The following SYT16 variants were observed in gnomAD, a reference collection of about 807,000 sequenced individuals.
SYT16 encodes the protein synaptotagmin 16.
Under a neutral mutation model 61.4 loss-of-function variants are expected in SYT16, and 42 were observed. The observed-to-expected ratio is 0.68, with a 90% CI of 0.53 to 0.89. The LOEUF (loss-of-function observed/expected upper bound fraction) is 0.89, where lower values mean the gene tolerates loss of function less well. Ranked by LOEUF, SYT16 falls within the 40% of genes least tolerant of loss-of-function variation. The probability of loss-of-function intolerance (pLI) is 0.00; values close to 1 mark genes in which losing one functional copy is unlikely to be tolerated. For synonymous variants in SYT16, 314 were observed against 302.3 expected, an observed-to-expected ratio of 1.04 and a Z score of -0.40; for missense variants, 804 against 807.3, an observed-to-expected ratio of 1.00 and a Z score of 0.05.
At chr14:61,849,626 A>G (rs552995542) in intron 1 of SYT16, among the ~76,000 whole-genome samples, 1 of 152,248 alleles carries the variant, frequency 6.6e-6, no homozygotes, top group East Asian at 1.9e-4. Context: ...GCAAAGTCCC[A>G]CAATCACTAT....
At chr14:62,070,491 G>A (rs1290605159) in intron 4 of SYT16, among the ~76,000 whole-genome samples, 3 of 152,166 alleles carry the variant, frequency 2.0e-5, no homozygotes, top group African/African-American at 7.2e-5. Context: ...ACAAAGGGGA[G>A]GGGATACTCA....
intron 1 of SYT16, among the ~76,000 whole-genome samples, chr14:61,821,038 A>G (rs1301376383): frequency 2.0e-5 from 3 of 151,804 alleles, no homozygotes; most frequent in African/African-American, 7.3e-5. Context: ...ATACCTGCCA[A>G]TATGCTTTTC....
intron 1 of SYT16, among the ~76,000 whole-genome samples, chr14:61,911,002 T>C (rs1300857793): frequency 6.6e-6 from 1 of 152,238 alleles, no homozygotes; most frequent in African/African-American, 2.4e-5. Flanking sequence ...TGTTCCTCAT[T>C]CTCTGGCAAC....
intron 1 of SYT16, among the ~76,000 whole-genome samples, chr14:61,907,020 A>G (rs2048751394): frequency 6.6e-6 from 1 of 152,248 alleles, no homozygotes; most frequent in South Asian, 2.1e-4. Flanking sequence ...TATGATGGAT[A>G]TAAAAAATAC....
At chr14:62,078,584 A>T (rs2056597587) in intron 5 of SYT16, among the ~76,000 whole-genome samples, 1 of 152,214 alleles carries the variant, frequency 6.6e-6, no homozygotes, top group Non-Finnish European at 1.5e-5. Flanking sequence ...AAAGTGCGAG[A>T]CAAGGGAAGT....
intron 1 of SYT16, among the ~76,000 whole-genome samples, chr14:61,945,631 G>T (rs913128928): frequency 6.6e-6 from 1 of 151,960 alleles, no homozygotes; most frequent in African/African-American, 2.4e-5. Flanking sequence ...CGAGGCGGGC[G>T]GATCACGAGG....
chr14:61,909,452 G>T (rs1208485984), intron 1 of SYT16, among the ~76,000 whole-genome samples: 2 of 152,118 alleles, frequency 1.3e-5, no homozygotes, highest in African/African-American at 4.8e-5. Context: ...ATGGCTCCAG[G>T]TGTTTCTTGG....
intron 1 of SYT16, among the ~76,000 whole-genome samples, chr14:61,881,944 A>G (rs1013072903): frequency 6.6e-6 from 1 of 152,184 alleles, no homozygotes; most frequent in Non-Finnish European, 1.5e-5. Context: ...ATTTCTGACC[A>G]TGCTACTGCC....
chr14:61,885,171 G>A (rs2047853490), intron 1 of SYT16, among the ~76,000 whole-genome samples: 2 of 152,176 alleles, frequency 1.3e-5, no homozygotes, highest in Non-Finnish European at 1.5e-5. Flanking sequence ...AGGAGGTAGT[G>A]GAGTAGAGAG....
intron 5 of SYT16, among the ~76,000 whole-genome samples, chr14:62,077,932 A>G (rs552816992): frequency 1.3e-5 from 2 of 152,300 alleles, no homozygotes; most frequent in South Asian, 2.1e-4. Flanking sequence ...AGCCTGATAC[A>G]TAAGTGGAGA....
chr14:61,935,662 GTGTT>G (rs1343149763), intron 1 of SYT16, among the ~76,000 whole-genome samples: 4 of 152,326 alleles, frequency 2.6e-5, no homozygotes, highest in African/African-American at 2.4e-5. Context: ...CTCTGGGAAA[GTGTT>G]TGGCCTGTGA....
chr14:61,877,430 C>T (rs1241796503), intron 1 of SYT16, among the ~76,000 whole-genome samples: 4 of 152,160 alleles, frequency 2.6e-5, no homozygotes, highest in Admixed American at 1.3e-4. Flanking sequence ...CAACCTTACC[C>T]GTGTATATGA....
chr14:61,906,916 G>A (rs2048746928), intron 1 of SYT16, among the ~76,000 whole-genome samples: 5 of 152,178 alleles, frequency 3.3e-5, no homozygotes, highest in Admixed American at 3.3e-4. Flanking sequence ...ACAGCACTTT[G>A]TGTCTCACAG....
At chr14:61,855,728 T>C (rs2046753295) in intron 1 of SYT16, among the ~76,000 whole-genome samples, 1 of 152,226 alleles carries the variant, frequency 6.6e-6, no homozygotes, top group Admixed American at 6.5e-5. Flanking sequence ...TATAAAAAAT[T>C]TACCATCATA....
chr14:62,094,479 A>T (rs1294830856), intron 7 of SYT16, among the ~76,000 whole-genome samples: 12 of 152,006 alleles, frequency 7.9e-5, no homozygotes, highest in African/African-American at 2.4e-4. Flanking sequence ...CATGTTCTTT[A>T]TTCTAAGTTA....
At chr14:62,003,566 C>G (rs896832199) in intron 3 of SYT16, among the ~76,000 whole-genome samples, 1 of 151,882 alleles carries the variant, frequency 6.6e-6, no homozygotes, top group South Asian at 2.1e-4. Flanking sequence ...GTGATTTGAC[C>G]ACTTATATAA....
intron 1 of SYT16, among the ~76,000 whole-genome samples, chr14:61,858,140 A>G (rs866459015): frequency 8.8e-5 from 13 of 148,300 alleles, no homozygotes; most frequent in African/African-American, 2.8e-4. Context: ...AAAAAAAAAA[A>G]AAAGAAAGAA....
chr14:61,860,839 A>AT (rs139907893), intron 1 of SYT16, among the ~76,000 whole-genome samples: 11,856 of 152,192 alleles, frequency 0.078, 543 homozygotes, highest in Non-Finnish European at 0.1. Flanking sequence ...GCAGTGTTGG[A>AT]TTTTACCAGG....
Position 61,933,830 on chromosome 14 carries a change from G to A in SYT16, c.-324-36302G>A, listed in dbSNP as rs1001404437. Among the ~76,000 whole-genome samples, 6 of 152,214 alleles carry A rather than the reference G, an allele frequency of 3.9e-5. No homozygotes were observed. The East Asian group carries it at 9.6e-4, about 24-fold the overall frequency. On this transcript the variant is annotated intron_variant, in intron 1 of 7. Coordinates refer to ENST00000683842, the MANE Select transcript of SYT16 (RefSeq NM_001367656.1). ...AAGAAAAAAACAGTCTATACTAGAA[G>A]AATAGAAAATAAGGAGGATATTTAA...
Sources: allele counts gnomAD v4.1 joint callset (sites outside exome capture counted in the v4.1 genomes callset), GRCh38; gene constraint gnomAD v4.1.1; transcripts MANE v1.5; gene names NCBI Gene and HGNC (gene_info 2026-07-23, HGNC 2026-07-21).